XIRP2: variants seen among roughly 807,000 people sequenced by gnomAD.
XIRP2 encodes the protein xin actin-binding repeat-containing protein 2.
Under a neutral mutation model 277.0 loss-of-function variants are expected in XIRP2, and 236 were observed. The ratio of observed to expected loss-of-function variants is 0.85; its 90% confidence interval spans 0.77 to 0.95. The LOEUF (loss-of-function observed/expected upper bound fraction) is 0.95. Among genes scored for constraint, XIRP2 ranks in the 40% least tolerant of loss-of-function variants. The probability of loss-of-function intolerance (pLI) is 0.00; values close to 1 mark genes in which losing one functional copy is unlikely to be tolerated. For synonymous variants in XIRP2, 1,490 were observed against 1,416.5 expected (o/e 1.05, Z -1.17); for missense variants, 4,640 against 4,157.5 (o/e 1.12, Z -3.19).
intron 2 of XIRP2, among the ~76,000 whole-genome samples, chr2:167,004,197 A>C (rs533282968): frequency 6.6e-5 from 10 of 152,022 alleles, no homozygotes; most frequent in Non-Finnish European, 1.2e-4. Flanking sequence ...ATGATTATTT[A>C]TTAAGTGCCC....
chr2:167,023,573 G>A (rs561428242), intron 2 of XIRP2, among the ~76,000 whole-genome samples: 2,934 of 152,172 alleles, frequency 0.019, 96 homozygotes, highest in African/African-American at 0.067. Flanking sequence ...TTCTTCTAGG[G>A]TTTTTATGGT....
chr2:167,023,537 A>G (rs1399640608), intron 2 of XIRP2, among the ~76,000 whole-genome samples: 1 of 152,058 alleles, frequency 6.6e-6, no homozygotes, highest in African/African-American at 2.4e-5. Flanking sequence ...GCCCATGCCT[A>G]TGTCCTGAAT....
At chr2:166,973,010 T>G (rs1266630835) in intron 2 of XIRP2, among the ~76,000 whole-genome samples, 2 of 152,110 alleles carry the variant, frequency 1.3e-5, no homozygotes, top group African/African-American at 4.8e-5. Flanking sequence ...ATTTTACACA[T>G]TTTTTTGTTT....
At chr2:167,036,071 G>T (rs1379970554) in intron 2 of XIRP2, among the ~76,000 whole-genome samples, 1 of 152,200 alleles carries the variant, frequency 6.6e-6, no homozygotes, top group Non-Finnish European at 1.5e-5. Context: ...GAAGCACCTG[G>T]ATGCTCAGGC....
chr2:167,258,449 A>G lies in XIRP2; in HGVS notation c.*632A>G. 6.2e-7 allele frequency: 1 copy of G among 1,613,328 alleles called. No homozygotes were observed. Among genetic ancestry groups the G allele is most frequent in the South Asian group, 1.1e-5 (1 of 91,056 alleles). On this transcript the variant is annotated 3_prime_UTR_variant, in exon 11 of 11. Coordinates refer to ENST00000409195, the MANE Select transcript of XIRP2 (RefSeq NM_152381.6). ...AAGAAAAGATGAAAAGAAGGAAGGA[A>G]GGAAGAATGTGCAAGATAGGCCGAG...
rs891456489 is a variant in XIRP2, at chr2:166,889,870, C to A, written c.-19+1313C>A. 4 of 97,730 alleles carry A rather than the reference C, an allele frequency of 4.1e-5. 2 individuals carry two copies. The highest frequency in any genetic ancestry group is 1.1e-4 in the Non-Finnish European group (4 of 36,666). The allele number at this position is 97,730 out of a possible 1,614,324, so 6.1% of individuals were successfully genotyped here. On this transcript the variant is annotated intron_variant, in intron 1 of 10. Transcript: ENST00000409195. ...TAAGCCCCATCTCCACCTTCTTCTC[C>A]TTGTTATTCTTCTCCATAGCAAGCA...
intron 2 of XIRP2, among the ~76,000 whole-genome samples, chr2:167,064,090 C>T (rs1689239921): frequency 6.6e-6 from 1 of 151,596 alleles, no homozygotes; most frequent in African/African-American, 2.4e-5. Context: ...TTGTATTTTT[C>T]TCCCAGCTTT....
intron 3 of XIRP2, among the ~76,000 whole-genome samples, chr2:167,192,904 C>G (rs770909262): frequency 3.3e-5 from 5 of 152,162 alleles, no homozygotes; most frequent in Non-Finnish European, 5.9e-5. Context: ...TTCATTAGAG[C>G]CTTGACTTCG....
At chr2:167,119,980 A>G (rs116257128) in intron 2 of XIRP2, among the ~76,000 whole-genome samples, 2,230 of 152,272 alleles carry the variant, frequency 0.015, 12 homozygotes, top group Non-Finnish European at 0.023. Flanking sequence ...TATTAAAAAT[A>G]GCTGTTGTGT....
chr2:167,258,528 A>G lies in XIRP2; in HGVS notation c.*711A>G, dbSNP rs763290080. ...AAAAGTGCTATGGATCTTAATGACA[A>G]CAATAATGTGATTGTGCAGAGTGCT... On this transcript the variant is annotated 3_prime_UTR_variant, in exon 11 of 11. Coordinates refer to ENST00000409195, the MANE Select transcript of XIRP2 (RefSeq NM_152381.6). 1.7e-5 allele frequency: 28 copies of G among 1,613,084 alleles called. No individual in the cohort carries two copies. The highest frequency in any genetic ancestry group is 2.5e-6 in the Non-Finnish European group (3 of 1,179,578).
rs911966649 is a variant in XIRP2, at chr2:167,125,407, C to G, written c.409-10502C>G. ...TGATAAATAAATTACAGTAGGGAAA[C>G]AGGATGATGCAGAAGTTAAAAATAC... On this transcript the variant is annotated intron_variant, in intron 2 of 10. Coordinates refer to ENST00000409195, the MANE Select transcript of XIRP2 (RefSeq NM_152381.6). Among the ~76,000 whole-genome samples the G allele has an allele frequency of 5.3e-5, 8 of 152,068 alleles. 1 individual carries two copies. Among genetic ancestry groups the G allele is most frequent in the Admixed American group, 5.2e-4 (8 of 15,248 alleles).
chr2:167,052,146 T>A (rs947113495), intron 2 of XIRP2, among the ~76,000 whole-genome samples: 1 of 152,038 alleles, frequency 6.6e-6, no homozygotes. Context: ...TAAATTACAG[T>A]ACAATGTAAG....
chr2:167,033,230 A>G lies in XIRP2; in HGVS notation c.409-102679A>G, dbSNP rs147291619. On this transcript the variant is annotated intron_variant, in intron 2 of 10. Transcript: ENST00000409195. The stretch of plus-strand genomic sequence containing the variant: ...CTGCATATTCTCACTCATAAGTGGG[A>G]GTTGAACAATGAGAACACATAGACA... Among the ~76,000 whole-genome samples the G allele has an allele frequency of 6.1e-3, 930 of 152,192 alleles. 76 individuals carry two copies. In the East Asian group the frequency reaches 0.16, roughly 26 times the overall value.
At chr2:167,022,915 A>T in intron 2 of XIRP2, among the ~76,000 whole-genome samples, 1 of 152,106 alleles carries the variant, frequency 6.6e-6, no homozygotes, top group Non-Finnish European at 1.5e-5. Context: ...CAATAAACAT[A>T]TGTGTGCATG....
At chr2:166,982,695 C>T (rs1046189586) in intron 2 of XIRP2, among the ~76,000 whole-genome samples, 3 of 151,992 alleles carry the variant, frequency 2.0e-5, no homozygotes, top group Non-Finnish European at 4.4e-5. Flanking sequence ...TTGTTCTTTT[C>T]CACTGTTTCT....
chr2:167,079,894 CT>C (rs1478886092), intron 2 of XIRP2, among the ~76,000 whole-genome samples: 1 of 151,364 alleles, frequency 6.6e-6, no homozygotes, highest in South Asian at 2.1e-4. Flanking sequence ...TTAGTTTGCT[CT>C]TTTTTTGGTT....
intron 5 of XIRP2, among the ~76,000 whole-genome samples, chr2:167,237,204 A>G (rs1465797929): frequency 2.0e-5 from 3 of 152,200 alleles, no homozygotes; most frequent in South Asian, 2.1e-4. Flanking sequence ...TTTACAGATG[A>G]TAGGCATAGA....
At chr2:167,122,768 T>G (rs905185242) in intron 2 of XIRP2, among the ~76,000 whole-genome samples, 10 of 152,212 alleles carry the variant, frequency 6.6e-5, no homozygotes. Flanking sequence ...GATAATACAG[T>G]ATGGATCAAT....
chr2:167,094,090 T>C (rs1224604642), intron 2 of XIRP2, among the ~76,000 whole-genome samples: 1 of 152,240 alleles, frequency 6.6e-6, no homozygotes, highest in Non-Finnish European at 1.5e-5. Context: ...TTTTTTCATA[T>C]ATGTGTTGGC....
Sources: allele counts gnomAD v4.1 joint callset (sites outside exome capture counted in the v4.1 genomes callset), GRCh38; gene constraint gnomAD v4.1.1; transcripts MANE v1.5; gene names NCBI Gene and HGNC (gene_info 2026-07-23, HGNC 2026-07-21).